SMARCA2: variants seen among roughly 807,000 people sequenced by gnomAD.
SMARCA2 encodes SWI/SNF related BAF chromatin remodeling complex subunit ATPase 2.
A neutral mutation model predicts 199.8 loss-of-function variants in SMARCA2; 61 were observed. The observed-to-expected ratio is 0.31, with a 90% CI of 0.25 to 0.38. SMARCA2 has a LOEUF of 0.38. Among genes scored for constraint, SMARCA2 ranks in the 10% least tolerant of loss-of-function variants. The pLI is 1.00. For synonymous variants in SMARCA2, 935 were observed against 732.0 expected, an observed-to-expected ratio of 1.28 and a Z score of -4.48; for missense variants, 1,344 against 2,012.2, an observed-to-expected ratio of 0.67 and a Z score of 6.35.
intron 3 of SMARCA2, among the ~76,000 whole-genome samples, chr9:2,036,907 G>A (rs574496916): frequency 1.3e-5 from 2 of 152,186 alleles, no homozygotes; most frequent in African/African-American, 4.8e-5. Flanking sequence ...ATTTAGACTA[G>A]GTTGCCTAAT....
chr9:2,019,144 A>G (rs908495159), intron 1 of SMARCA2, among the ~76,000 whole-genome samples: 1 of 152,064 alleles, frequency 6.6e-6, no homozygotes, highest in Non-Finnish European at 1.5e-5. Flanking sequence ...GAGGGGAAAA[A>G]AAAAAACAAC....
At chr9:2,111,126 A>G (rs1184442355) in intron 24 of SMARCA2, among the ~76,000 whole-genome samples, 1 of 150,486 alleles carries the variant, frequency 6.6e-6, no homozygotes, top group Non-Finnish European at 1.5e-5. Flanking sequence ...ATCTGCCTGT[A>G]GGATATTGGG....
In SMARCA2 at chr9:2,070,398, T is replaced by C; in HGVS notation, c.1693-20T>C. On this transcript the variant is annotated intron_variant, in intron 9 of 33. Transcript: ENST00000349721. ...CCATCATCTTGGTTACTTATAACAT[T>C]CGACATTGTTGTTTTGCAGAAGGCT... 1 of 1,611,570 alleles carries C rather than the reference T, an allele frequency of 6.2e-7. No individual in the cohort carries two copies. The highest frequency in any genetic ancestry group is 1.3e-5 in the African/African-American group (1 of 75,010).
chr9:2,187,084 C>G (rs1827513654), intron 32 of SMARCA2, among the ~76,000 whole-genome samples: 1 of 152,134 alleles, frequency 6.6e-6, no homozygotes, highest in African/African-American at 2.4e-5. Context: ...AAATAATTGT[C>G]AAACTGAGTT....
chr9:2,087,147 G>C (rs1821835008), intron 18 of SMARCA2, 76 bp downstream of exon 18: 3 of 1,563,368 alleles, frequency 1.9e-6, no homozygotes, highest in Non-Finnish European at 2.6e-6. Context: ...GAGAACATTA[G>C]AGCCACAGAA....
chr9:2,188,052 A>ATAGACATGCTTTTAAAAAATTATTAG (rs1827610369), intron 32 of SMARCA2, among the ~76,000 whole-genome samples: 1 of 152,232 alleles, frequency 6.6e-6, no homozygotes, highest in Non-Finnish European at 1.5e-5. Context: ...TATTAAAAGT[A>ATAGACATGCTTTTAAAAAATTATTAG]TAGACATGCT....
At position 2,076,322 on chromosome 9, in the gene SMARCA2, A is replaced by ACATAC; in HGVS notation, c.2029_2030insCATAC (p.Ile677ThrfsTer45). Reference sequence around the variant, plus strand: ...AGTTTCTGAGAAGGATGCTAAGCAGATCATTGAGTATGTACTGCATTTTTC... The same window carrying ACATAC: ...AGTTTCTGAGAAGGATGCTAAGCAGACATACTCATTGAGTATGTACTGCATTTTTC... On this transcript the variant is annotated frameshift_variant, in exon 13 of 34. Transcript: ENST00000349721. LOFTEE classifies it high-confidence loss of function. 6.4e-7 allele frequency: 1 copy of ACATAC among 1,565,858 alleles called. No homozygotes were observed. Among genetic ancestry groups the ACATAC allele is most frequent in the Non-Finnish European group, 8.8e-7 (1 of 1,135,906 alleles).
At chr9:2,108,298 G>T (rs1198952213) in intron 23 of SMARCA2, among the ~76,000 whole-genome samples, 1 of 152,230 alleles carries the variant, frequency 6.6e-6, no homozygotes, top group South Asian at 2.1e-4. Flanking sequence ...AAAGTAGCCA[G>T]TGAAGGTCAA....
At chr9:2,129,006 A>G (rs1045854539) in intron 27 of SMARCA2, among the ~76,000 whole-genome samples, 8 of 152,160 alleles carry the variant, frequency 5.3e-5, no homozygotes, top group Non-Finnish European at 1.2e-4. Flanking sequence ...CACACTTTTG[A>G]CTGACTACAA....
At chr9:2,184,613 A>G (rs1454829692) in intron 31 of SMARCA2, among the ~76,000 whole-genome samples, 1 of 152,038 alleles carries the variant, frequency 6.6e-6, no homozygotes, top group East Asian at 1.9e-4. Context: ...TCAGCCTCCT[A>G]AAGTGCTAGG....
chr9:2,049,409 G>C (rs1048915033), intron 5 of SMARCA2, among the ~76,000 whole-genome samples: 11 of 152,122 alleles, frequency 7.2e-5, no homozygotes, highest in African/African-American at 2.4e-4. Flanking sequence ...AAAAGCTTTT[G>C]TTCTGCCCTC....
intron 29 of SMARCA2, among the ~76,000 whole-genome samples, chr9:2,178,846 C>G (rs1826808232): frequency 6.6e-6 from 1 of 152,162 alleles, no homozygotes; most frequent in South Asian, 2.1e-4. Context: ...CTGGCTTTGT[C>G]TGCCGAAGCT....
At chr9:2,076,463 G>T (rs1256780577) in intron 13 of SMARCA2, 134 bp downstream of exon 13, 15 of 623,966 alleles carry the variant, frequency 2.4e-5, no homozygotes, top group African/African-American at 5.6e-5. Context: ...GCTCCTAGAG[G>T]TCACCACTGA....
intron 9 of SMARCA2, among the ~76,000 whole-genome samples, chr9:2,064,656 G>C (rs574835101): frequency 6.6e-6 from 1 of 152,280 alleles, no homozygotes; most frequent in East Asian, 1.9e-4. Flanking sequence ...GACAGTGACA[G>C]ATTCTTTAAA....
At chr9:2,098,555 C>T (rs184408446) in intron 21 of SMARCA2, among the ~76,000 whole-genome samples, 319 of 152,238 alleles carry the variant, frequency 2.1e-3, no homozygotes, top group African/African-American at 6.9e-3. Context: ...TACCCATAGA[C>T]ATAGGAGAGA....
chr9:2,168,834 G>C (rs974994534), intron 28 of SMARCA2, among the ~76,000 whole-genome samples: 1 of 152,042 alleles, frequency 6.6e-6, no homozygotes, highest in Non-Finnish European at 1.5e-5. Flanking sequence ...AAATTATTCT[G>C]CTGGGATCTT....
At position 2,193,182 on chromosome 9, in the gene SMARCA2, T is replaced by C; in HGVS notation, c.*443T>C. On this transcript the variant is annotated 3_prime_UTR_variant, in exon 34 of 34. Transcript: ENST00000349721. ...TCAGGCAATTTTCGAGGTTTTTATT[T>C]GTTCGGTATTGTTTTTTTACACTGT... The C allele has an allele frequency of 6.3e-6, 1 of 158,980 alleles. No homozygotes were observed. The highest frequency in any genetic ancestry group is 1.9e-4 in the South Asian group (1 of 5,144). 9.8% of individuals were successfully genotyped at this position (158,980 alleles called of 1,614,324 possible).
chr9:2,163,603 G>A (rs1231947553), intron 28 of SMARCA2, among the ~76,000 whole-genome samples: 1 of 152,208 alleles, frequency 6.6e-6, no homozygotes, highest in Non-Finnish European at 1.5e-5. Context: ...ATATTACTAA[G>A]TAGAGAGCAT....
rs1424938055 is a variant in SMARCA2 at position 2,086,230 on chromosome 9, A to C, written c.2527-599A>C. ...TTTGAAAAGCCGTATGTACAAATTT[A>C]ATGTGAAATAGTCCAACTTTTAAAT... On this transcript the variant is annotated intron_variant, in intron 17 of 33. Transcript: ENST00000349721. This position sits in a 1 kb window ranked among gnomAD's most constrained non-coding sequence, Gnocchi z 4.3. The C allele has an allele frequency of 2.0e-5, 3 of 153,396 alleles. No homozygotes were observed. The allele number at this position is 153,396 out of a possible 1,614,324, so 9.5% of individuals were successfully genotyped here.
Sources: allele counts gnomAD v4.1 joint callset (sites outside exome capture counted in the v4.1 genomes callset), GRCh38; gene constraint gnomAD v4.1.1; non-coding constraint Gnocchi (gnomAD v3.1); transcripts MANE v1.5; gene names NCBI Gene and HGNC (gene_info 2026-07-23, HGNC 2026-07-21).